The following GRB14 variants were observed in gnomAD, a reference collection of about 807,000 sequenced individuals.
GRB14 encodes growth factor receptor-bound protein 14.
GRB14 carries 38 observed loss-of-function variants against 69.1 expected under a neutral mutation model. That is an observed-to-expected ratio of 0.55 (90% CI 0.42 to 0.72). The LOEUF (loss-of-function observed/expected upper bound fraction) is 0.72. Among genes scored for constraint, GRB14 ranks in the 30% least tolerant of loss-of-function variants. The pLI, the probability that GRB14 is intolerant of heterozygous loss-of-function variation, is 0.00. For synonymous variants in GRB14, 247 were observed against 241.3 expected (o/e 1.02, Z -0.22); for missense variants, 666 against 666.1 (o/e 1.00, Z 0.00).
Position 164,527,070 on chromosome 2 carries a change from TTTC to T in GRB14, c.544_546del (p.Glu182del), listed in dbSNP as rs1559035167. The T allele has an allele frequency of 1.9e-6, 3 of 1,590,946 alleles. No homozygotes were observed. The highest frequency in any genetic ancestry group is 2.6e-6 in the Non-Finnish European group (3 of 1,161,598). On this transcript the variant is annotated inframe_deletion, in exon 4 of 14. Coordinates refer to ENST00000263915, the MANE Select transcript of GRB14 (RefSeq NM_004490.3). ...TAATTTTTTCTAAAGTATAGTTTGT[TTTC>T]TTCTTCTATCCCCCAGTTGGATAGC...
At chr2:164,529,533 A>G (rs548058602) in intron 3 of GRB14, among the ~76,000 whole-genome samples, 1 of 152,258 alleles carries the variant, frequency 6.6e-6, no homozygotes, top group East Asian at 1.9e-4. Context: ...ATTCCGTCAA[A>G]AAAAGTAGAC....
chr2:164,546,190 T>G (rs1342876657), intron 3 of GRB14, among the ~76,000 whole-genome samples: 1 of 152,210 alleles, frequency 6.6e-6, no homozygotes, highest in Non-Finnish European at 1.5e-5. Context: ...CCATAGATCT[T>G]TAAATGAAGA....
At chr2:164,500,821 A>T (rs970097516) in intron 9 of GRB14, among the ~76,000 whole-genome samples, 1 of 152,092 alleles carries the variant, frequency 6.6e-6, no homozygotes, top group Non-Finnish European at 1.5e-5. Flanking sequence ...CCACATCTAG[A>T]TCAATAGCAG....
intron 8 of GRB14, among the ~76,000 whole-genome samples, chr2:164,505,436 G>A (rs1431629494): frequency 1.3e-5 from 2 of 152,072 alleles, no homozygotes; most frequent in Admixed American, 6.6e-5. Flanking sequence ...GTCATTGCCC[G>A]AAACCTTTGG....
chr2:164,515,934 A>G (rs1415625078), intron 6 of GRB14, among the ~76,000 whole-genome samples: 3 of 152,042 alleles, frequency 2.0e-5, no homozygotes, highest in Admixed American at 1.3e-4. Context: ...TGCTCTGGAA[A>G]GTTTCAACAA....
chr2:164,519,522 G>C (rs1178248671), intron 6 of GRB14, among the ~76,000 whole-genome samples: 1 of 151,832 alleles, frequency 6.6e-6, no homozygotes, highest in Admixed American at 6.6e-5. Flanking sequence ...AATCAGACAA[G>C]AAAAAGAAAT....
intron 2 of GRB14, among the ~76,000 whole-genome samples, chr2:164,556,966 C>T (rs760820260): frequency 2.6e-5 from 4 of 152,096 alleles, no homozygotes; most frequent in African/African-American, 7.2e-5. Flanking sequence ...TGACACCTCA[C>T]GGAGTTTGAA....
chr2:164,599,682 A>G (rs144902174), intron 2 of GRB14, among the ~76,000 whole-genome samples: 5 of 152,354 alleles, frequency 3.3e-5, no homozygotes, highest in African/African-American at 4.8e-5. Flanking sequence ...GTATTTGCAT[A>G]TGCACTAAGT....
At chr2:164,539,732 C>T (rs1349580086) in intron 3 of GRB14, 1 of 152,118 alleles carries the variant, frequency 6.6e-6, no homozygotes, top group Non-Finnish European at 1.5e-5. Flanking sequence ...AAACCCTCAA[C>T]TCTCATCTAT....
chr2:164,557,483 G>A (rs1688710164), intron 2 of GRB14, among the ~76,000 whole-genome samples: 1 of 152,130 alleles, frequency 6.6e-6, no homozygotes, highest in Non-Finnish European at 1.5e-5. Flanking sequence ...TTACAAAGTG[G>A]TAAGAGAATC....
intron 2 of GRB14, among the ~76,000 whole-genome samples, chr2:164,566,414 T>G (rs1012449257): frequency 5.3e-5 from 8 of 152,114 alleles, no homozygotes; most frequent in Non-Finnish European, 1.0e-4. Context: ...CCAAAATATG[T>G]GCACTCACTG....
At chr2:164,564,262 G>T (rs1016066117) in intron 2 of GRB14, among the ~76,000 whole-genome samples, 1 of 152,164 alleles carries the variant, frequency 6.6e-6, no homozygotes, top group East Asian at 1.9e-4. Flanking sequence ...GGAGGCAAAC[G>T]ATATGCTGCA....
chr2:164,519,264 C>T (rs1475261663), intron 6 of GRB14, among the ~76,000 whole-genome samples: 2 of 152,036 alleles, frequency 1.3e-5, no homozygotes, highest in Admixed American at 1.3e-4. Flanking sequence ...GAATTTAGAA[C>T]AAAAATCACA....
chr2:164,504,731 T>G (rs1456348704), intron 8 of GRB14, among the ~76,000 whole-genome samples: 1 of 152,120 alleles, frequency 6.6e-6, no homozygotes, highest in African/African-American at 2.4e-5. Context: ...CCCCCAAAGA[T>G]GTCCACATCC....
chr2:164,613,629 A>G (rs1690216783), intron 2 of GRB14, among the ~76,000 whole-genome samples: 1 of 152,238 alleles, frequency 6.6e-6, no homozygotes, highest in Non-Finnish European at 1.5e-5. Context: ...ACTATGTGGT[A>G]TGTTTGTGGG....
chr2:164,542,275 G>T (rs1035934378), intron 3 of GRB14, among the ~76,000 whole-genome samples: 1 of 152,098 alleles, frequency 6.6e-6, no homozygotes, highest in Non-Finnish European at 1.5e-5. Flanking sequence ...ACAAAAATTA[G>T]CTCAGGACGG....
At chr2:164,605,890 G>T (rs1558881094) in intron 2 of GRB14, among the ~76,000 whole-genome samples, 1 of 152,080 alleles carries the variant, frequency 6.6e-6, no homozygotes, top group Non-Finnish European at 1.5e-5. Context: ...GTCACAAGGA[G>T]CCACTTCCCA....
At position 164,550,042 on chromosome 2, in the gene GRB14, A is replaced by G. The variant is rs142667795; in HGVS notation, c.325-2226T>C. ...GGAGGGAATAGAATCAGACTTTATG[A>G]AAAGATTTCTCCATCTCAGGTATGA... is the stretch of plus-strand genomic sequence containing the variant. On this transcript the variant is annotated intron_variant, in intron 2 of 13. Coordinates refer to ENST00000263915, the MANE Select transcript of GRB14 (RefSeq NM_004490.3). 2.7e-3 allele frequency among the ~76,000 whole-genome samples: 410 copies of G among 152,280 alleles called. 1 individual carries two copies. The highest frequency in any genetic ancestry group is 9.5e-3 in the African/African-American group (394 of 41,550).
At chr2:164,546,482 A>T (rs1231824048) in intron 3 of GRB14, among the ~76,000 whole-genome samples, 1 of 152,176 alleles carries the variant, frequency 6.6e-6, no homozygotes, top group Non-Finnish European at 1.5e-5. Flanking sequence ...CCCCAGAAGT[A>T]TCCCAGAACT....
Sources: gnomAD v4.1 joint callset for allele counts (sites outside exome capture counted in the v4.1 genomes callset) on GRCh38, gnomAD v4.1.1 for gene constraint, MANE v1.5 for transcripts, NCBI Gene and HGNC (gene_info 2026-07-23, HGNC 2026-07-21) for gene names.